YWHAQ: variants seen among roughly 807,000 people sequenced by gnomAD.
YWHAQ encodes 14-3-3 protein theta.
Under a neutral mutation model 28.3 loss-of-function variants are expected in YWHAQ, and 6 were observed. The ratio of observed to expected loss-of-function variants is 0.21; its 90% CI spans 0.12 to 0.42. The LOEUF is 0.42. Ranked by LOEUF, YWHAQ falls within the 10% of genes least tolerant of loss-of-function variation. YWHAQ has a pLI of 1.00. For synonymous variants in YWHAQ, 143 were observed against 119.1 expected, an observed-to-expected ratio of 1.20 and a Z score of -1.31; for missense variants, 201 against 305.6, an observed-to-expected ratio of 0.66 and a Z score of 2.55.
intron 2 of YWHAQ, among the ~76,000 whole-genome samples, chr2:9,605,728 T>A (rs1620756): frequency 2.0e-5 from 2 of 101,080 alleles, no homozygotes; most frequent in South Asian, 2.8e-4. Flanking sequence ...GACCGGCTAA[T>A]TTTTTTTTTT....
intron 2 of YWHAQ, among the ~76,000 whole-genome samples, chr2:9,597,801 T>C (rs1025479119): frequency 6.6e-6 from 1 of 151,128 alleles, no homozygotes; most frequent in Non-Finnish European, 1.5e-5. Context: ...TTTTTTTTTT[T>C]TTATTGAGAC....
intron 2 of YWHAQ, among the ~76,000 whole-genome samples, chr2:9,600,183 G>C (rs1308842830): frequency 1.3e-5 from 2 of 152,176 alleles, no homozygotes; most frequent in East Asian, 1.9e-4. Context: ...GTTAAAACTT[G>C]AACAGATGAG....
intron 2 of YWHAQ, among the ~76,000 whole-genome samples, chr2:9,611,791 C>CA (rs1666954450): frequency 6.6e-6 from 1 of 152,186 alleles, no homozygotes; most frequent in African/African-American, 2.4e-5. Context: ...GTGCCTCAGC[C>CA]ACCCGAGTAG....
chr2:9,608,686 C>T (rs1035036109), intron 2 of YWHAQ, among the ~76,000 whole-genome samples: 19 of 152,184 alleles, frequency 1.2e-4, no homozygotes, highest in African/African-American at 4.6e-4. Flanking sequence ...CGATGGCTCA[C>T]GCCTGTAATC....
At chr2:9,602,843 AAAAAAAAAAAAAAAAAAAAATATAT>A (rs1328831503) in intron 2 of YWHAQ, among the ~76,000 whole-genome samples, 15 of 29,158 alleles carry the variant, frequency 5.1e-4, no homozygotes, top group African/African-American at 1.2e-3. Context: ...AAAAAAAAAA[AAAAAAAAAAAAAAAAAAAAATATAT>A]ATATATATAT....
At chr2:9,613,320 A>G (rs1666985950) in intron 2 of YWHAQ, among the ~76,000 whole-genome samples, 1 of 152,234 alleles carries the variant, frequency 6.6e-6, no homozygotes. Context: ...AAAAAGGCAT[A>G]AAACCCAACA....
intron 2 of YWHAQ, among the ~76,000 whole-genome samples, chr2:9,602,664 C>T (rs1265263382): frequency 1.3e-5 from 2 of 150,316 alleles, no homozygotes; most frequent in African/African-American, 4.9e-5. Flanking sequence ...CCCACCTTAG[C>T]CCTACTATAG....
rs528334177 is a variant in YWHAQ, at chr2:9,623,796, T to TAAAA, written c.294+6359_294+6362dup. Among the ~76,000 whole-genome samples the TAAAA allele has an allele frequency of 1.8e-4, 28 of 151,678 alleles. No individual in the cohort carries two copies. The South Asian group carries it at 5.6e-3, about 31-fold the overall frequency. ...TCAACAAAATAAATAAATAAATAAA[T>TAAAA]AAAATTAAATTTAAAAAGTCTGAAC... On this transcript the variant is annotated intron_variant, in intron 2 of 5. Transcript: ENST00000238081.
At chr2:9,627,690 C>A (rs1323077907) in intron 2 of YWHAQ, among the ~76,000 whole-genome samples, 7 of 152,138 alleles carry the variant, frequency 4.6e-5, no homozygotes, top group South Asian at 2.1e-4. Context: ...TTTAAAAAAA[C>A]CAGTTTCCCA....
intron 2 of YWHAQ, among the ~76,000 whole-genome samples, chr2:9,620,078 C>T (rs1667115116): frequency 6.6e-6 from 1 of 152,176 alleles, no homozygotes. Context: ...CACACTTCTC[C>T]ATTTATTTCC....
rs917336578 is a variant in YWHAQ at position 9,611,004 on chromosome 2, C to T, written c.294+19155G>A. Among the ~76,000 whole-genome samples, 4 of 152,094 alleles carry T rather than the reference C, an allele frequency of 2.6e-5. 1 individual carries two copies. The highest frequency in any genetic ancestry group is 9.7e-5 in the African/African-American group (4 of 41,384). ...CCAAGCCCCTGGAAGTAGTTTTCTC[C>T]AGGAAGTCAAGACTGATTTGGAAAC... On this transcript the variant is annotated intron_variant, in intron 2 of 5. Transcript: ENST00000238081.
chr2:9,630,258 G>A lies in YWHAQ; in HGVS notation c.195C>T (p.Ile65=), dbSNP rs1217622207. The part of the protein sequence containing the change: ...RRSAWRVISS[I]EQKTDTSDKK... ...TGTCGGAGGTGTCGGTCTTCTGCTC[G>A]ATGCTAGAGATGACCCTCCAGGCGG... is the stretch of plus-strand genomic sequence containing the variant. The change falls in exon 2 of 6, where the codon ATC becomes ATT. Residue 65 remains isoleucine, a synonymous_variant. Coordinates refer to ENST00000238081, the MANE Select transcript of YWHAQ (RefSeq NM_006826.4). The surrounding 1 kb of genome is among the most constrained non-coding windows in gnomAD (Gnocchi z 5.6). The A allele has an allele frequency of 5.0e-6, 8 of 1,614,152 alleles. No individual in the cohort carries two copies. Among genetic ancestry groups the A allele is most frequent in the Non-Finnish European group, 6.8e-6 (8 of 1,180,036 alleles).
intron 5 of YWHAQ, among the ~76,000 whole-genome samples, chr2:9,586,916 G>C (rs2125061408): frequency 6.6e-6 from 1 of 152,222 alleles, no homozygotes; most frequent in South Asian, 2.1e-4. Context: ...GAAGCAGGGA[G>C]AAAAAGACAA....
At chr2:9,614,268 C>T (rs990615813) in intron 2 of YWHAQ, among the ~76,000 whole-genome samples, 2 of 152,198 alleles carry the variant, frequency 1.3e-5, no homozygotes, top group Non-Finnish European at 2.9e-5. Flanking sequence ...ACATACATCA[C>T]CATCATTTAA....
In YWHAQ at chr2:9,630,657, G is replaced by GC. The variant is rs1257064974; in HGVS notation, c.-82-124dup. ...GGCCGCTTGAATTTCCCTCTCCCCC[G>GC]CCCCCTCCCCCGCTGGGCACCCGGG... On this transcript the variant is annotated intron_variant, in intron 1 of 5. Coordinates refer to ENST00000238081, the MANE Select transcript of YWHAQ (RefSeq NM_006826.4). This position sits in a 1 kb window ranked among gnomAD's most constrained non-coding sequence, Gnocchi z 5.6. 42 of 454,348 alleles carry GC rather than the reference G, an allele frequency of 9.2e-5. No individual in the cohort carries two copies. Among genetic ancestry groups the GC allele is most frequent in the Non-Finnish European group, 1.3e-4 (35 of 265,194 alleles). The allele number at this position is 454,348 out of a possible 1,614,324, so 28.1% of individuals were successfully genotyped here.
At chr2:9,601,648 T>C (rs982393159) in intron 2 of YWHAQ, among the ~76,000 whole-genome samples, 16 of 151,934 alleles carry the variant, frequency 1.1e-4, no homozygotes, top group Admixed American at 2.6e-4. Context: ...GTTCTTAAGA[T>C]TGTTTTTTTT....
chr2:9,600,445 GCCTATA>G (rs1666670625), intron 2 of YWHAQ, among the ~76,000 whole-genome samples: 1 of 152,180 alleles, frequency 6.6e-6, no homozygotes, highest in Non-Finnish European at 1.5e-5. Context: ...GGTGACTCAT[GCCTATA>G]ATCCCAGCAC....
At chr2:9,613,665 C>T (rs140743789) in intron 2 of YWHAQ, among the ~76,000 whole-genome samples, 56 of 152,314 alleles carry the variant, frequency 3.7e-4, no homozygotes, top group African/African-American at 1.3e-3. Flanking sequence ...TGATCTCTAG[C>T]CACCACCATC....
intron 2 of YWHAQ, among the ~76,000 whole-genome samples, chr2:9,618,011 A>T (rs1014575819): frequency 2.6e-5 from 4 of 152,170 alleles, no homozygotes; most frequent in Admixed American, 2.0e-4. Context: ...CAGACACAAA[A>T]CACTACATAT....
Sources: allele counts gnomAD v4.1 joint callset (sites outside exome capture counted in the v4.1 genomes callset), GRCh38; gene constraint gnomAD v4.1.1; non-coding constraint Gnocchi (gnomAD v3.1); transcripts MANE v1.5; gene names NCBI Gene and HGNC (gene_info 2026-07-23, HGNC 2026-07-21).